Variants in MEGF10 observed in about 807,000 individuals in gnomAD.
The protein encoded by MEGF10 is multiple EGF like domains 10.
In MEGF10, 86 loss-of-function variants were observed where a neutral mutation model predicts 147.5. The ratio of observed to expected loss-of-function variants is 0.58; its 90% CI spans 0.49 to 0.70. The LOEUF is 0.70. MEGF10 is among the 30% of genes least tolerant of loss of function. The pLI is 0.00. For synonymous variants in MEGF10, 478 were observed against 525.5 expected, an observed-to-expected ratio of 0.91 and a Z score of 1.24; for missense variants, 1,329 against 1,487.3, an observed-to-expected ratio of 0.89 and a Z score of 1.75.
chr5:127,346,059 G>C (rs1335265633), intron 4 of MEGF10, among the ~76,000 whole-genome samples: 2 of 152,046 alleles, frequency 1.3e-5, no homozygotes, highest in African/African-American at 4.8e-5. Flanking sequence ...GCATTCCATG[G>C]TGTGTATGTA....
chr5:127,420,465 C>T (rs1203462763), intron 12 of MEGF10, among the ~76,000 whole-genome samples: 3 of 151,910 alleles, frequency 2.0e-5, no homozygotes, highest in Admixed American at 2.0e-4. Flanking sequence ...CAACCCCCAC[C>T]CTTTACTTTC....
At chr5:127,231,385 G>A in the MEGF10 span, among the ~76,000 whole-genome samples, 1 of 151,978 alleles carries the variant, frequency 6.6e-6, no homozygotes, top group Non-Finnish European at 1.5e-5. Flanking sequence ...CCTGTGTCTT[G>A]GGCATATTAG....
chr5:127,329,718 A>G (rs1761176056), intron 1 of MEGF10, among the ~76,000 whole-genome samples: 1 of 152,072 alleles, frequency 6.6e-6, no homozygotes, highest in African/African-American at 2.4e-5. Flanking sequence ...TACTAGTTTC[A>G]CTAGTTTACC....
chr5:127,353,326 A>G (rs2126824671), intron 4 of MEGF10, among the ~76,000 whole-genome samples: 1 of 152,334 alleles, frequency 6.6e-6, no homozygotes, highest in South Asian at 2.1e-4. Context: ...GAAAATTTAC[A>G]CAACTGGTTT....
chr5:127,251,170 A>G, the MEGF10 span, among the ~76,000 whole-genome samples: 1 of 152,128 alleles, frequency 6.6e-6, no homozygotes, highest in African/African-American at 2.4e-5. Flanking sequence ...AAATGAGGGA[A>G]ACTTGTCTTT....
intron 17 of MEGF10, among the ~76,000 whole-genome samples, chr5:127,439,060 C>T (rs773051804): frequency 2.6e-5 from 4 of 152,192 alleles, no homozygotes; most frequent in Non-Finnish European, 4.4e-5. Context: ...CCGGAAGCAG[C>T]GAGTCTGGGC....
chr5:127,277,284 T>C, the MEGF10 span, among the ~76,000 whole-genome samples: 1 of 152,222 alleles, frequency 6.6e-6, no homozygotes, highest in African/African-American at 2.4e-5. Flanking sequence ...TGCTCTCTCC[T>C]GGGAGCAGAC....
At chr5:127,240,326 A>G in the MEGF10 span, among the ~76,000 whole-genome samples, 1 of 152,198 alleles carries the variant, frequency 6.6e-6, no homozygotes, top group Non-Finnish European at 1.5e-5. Context: ...TTCTCTGGTA[A>G]CATCCTAGTT....
chr5:127,393,792 T>C (rs1763796437), intron 5 of MEGF10, among the ~76,000 whole-genome samples: 1 of 152,060 alleles, frequency 6.6e-6, no homozygotes, highest in Non-Finnish European at 1.5e-5. Flanking sequence ...ACTTGTATTA[T>C]GATAAGATAT....
At chr5:127,431,367 T>G (rs1408112227) in intron 13 of MEGF10, among the ~76,000 whole-genome samples, 1 of 152,204 alleles carries the variant, frequency 6.6e-6, no homozygotes, top group Non-Finnish European at 1.5e-5. Flanking sequence ...TGACCTAAAG[T>G]GTACTCCATT....
At chr5:127,246,985 A>AATATATATATATGT in the MEGF10 span, among the ~76,000 whole-genome samples, 2 of 104,182 alleles carry the variant, frequency 1.9e-5, no homozygotes, top group African/African-American at 8.6e-5. Context: ...GTATAAAAAG[A>AATATATATATATGT]ATATATATAT....
rs533507565 is a variant in MEGF10 at position 127,351,300 on chromosome 5, A to T, written c.319+10670A>T. On this transcript the variant is annotated intron_variant, in intron 4 of 24. Coordinates refer to ENST00000503335, the MANE Select transcript of MEGF10 (RefSeq NM_001256545.2). ...GCCATTTTTGTTTGTATCTTTCCGG[A>T]TATATTTCCATTTCTTTAAATTCAA... Among the ~76,000 whole-genome samples the T allele has an allele frequency of 3.9e-5, 6 of 152,248 alleles. No homozygotes were observed. The East Asian group carries it at 1.2e-3, about 29-fold the overall frequency.
In MEGF10 at chr5:127,349,012, C is replaced by T. The variant is rs996563033; in HGVS notation, c.319+8382C>T. Among the ~76,000 whole-genome samples the T allele has an allele frequency of 5.3e-5, 8 of 151,982 alleles. No homozygotes were observed. The South Asian group carries it at 1.7e-3, about 31-fold the overall frequency. ...TTGAAAGGTGACAAGAGCGAGAATC[C>T]ATCTCAAAAAAAAATTTGTATTAGT... On this transcript the variant is annotated intron_variant, in intron 4 of 24. Transcript: ENST00000503335.
intron 5 of MEGF10, among the ~76,000 whole-genome samples, chr5:127,394,966 C>T (rs1208222735): frequency 6.6e-6 from 1 of 152,134 alleles, no homozygotes; most frequent in Non-Finnish European, 1.5e-5. Flanking sequence ...TATTGGAAGA[C>T]GAATTCAGTA....
In MEGF10 at chr5:127,450,954, T is replaced by G. The variant is rs568865868; in HGVS notation, c.2980+1732T>G. 2.0e-5 allele frequency among the ~76,000 whole-genome samples: 3 copies of G among 152,208 alleles called. No individual in the cohort carries two copies. The South Asian group carries it at 6.2e-4, about 32-fold the overall frequency. On this transcript the variant is annotated intron_variant, in intron 22 of 24. Transcript: ENST00000503335. Reference sequence around the variant, plus strand: ...TTGCATTTTCAGTAGAGACAGGGTTTCTCCATGTTGGCCAGGCTGGTCTCA... The same window carrying G: ...TTGCATTTTCAGTAGAGACAGGGTTGCTCCATGTTGGCCAGGCTGGTCTCA...
At chr5:127,380,386 G>A (rs1367239660) in intron 5 of MEGF10, among the ~76,000 whole-genome samples, 1 of 152,154 alleles carries the variant, frequency 6.6e-6, no homozygotes, top group African/African-American at 2.4e-5. Context: ...AGGGAGGAAG[G>A]GACCAAAGGT....
chr5:127,333,319 C>T (rs550781263), intron 2 of MEGF10, among the ~76,000 whole-genome samples: 3 of 152,098 alleles, frequency 2.0e-5, no homozygotes, highest in African/African-American at 4.8e-5. Flanking sequence ...ATTTTGAGAC[C>T]AGCCTGGCCA....
rs544225413 is a variant in MEGF10 at position 127,388,026 on chromosome 5, C to G, written c.413-8506C>G. On this transcript the variant is annotated intron_variant, in intron 5 of 24. Transcript: ENST00000503335. ...CTCTCATTTATTCACCAGATATTTT[C>G]TGAATGCCAGCCATGTGCCAGGTAC... Among the ~76,000 whole-genome samples, 12 of 152,296 alleles carry G rather than the reference C, an allele frequency of 7.9e-5. No individual in the cohort carries two copies. In the South Asian group the frequency reaches 2.1e-3, roughly 26 times the overall value.
intron 1 of MEGF10, among the ~76,000 whole-genome samples, chr5:127,313,700 A>G (rs1361166820): frequency 6.6e-6 from 1 of 152,224 alleles, no homozygotes; most frequent in Non-Finnish European, 1.5e-5. Context: ...TCAGCAATGT[A>G]CAGACTCAGA....
Sources: allele counts gnomAD v4.1 joint callset (sites outside exome capture counted in the v4.1 genomes callset), GRCh38; gene constraint gnomAD v4.1.1; transcripts MANE v1.5; gene names NCBI Gene and HGNC (gene_info 2026-07-23, HGNC 2026-07-21).